Variants in SCYL1 observed in about 807,000 individuals in gnomAD.
SCYL1 encodes N-terminal kinase-like protein.
Under a neutral mutation model 94.8 loss-of-function variants are expected in SCYL1, and 85 were observed. The observed-to-expected ratio is 0.90, with a 90% CI of 0.75 to 1.07. The LOEUF (loss-of-function observed/expected upper bound fraction) is 1.07, where lower values mean the gene tolerates loss of function less well. SCYL1 is among the 50% of genes least tolerant of loss of function. SCYL1 has a pLI of 0.00. For synonymous variants in SCYL1, 459 were observed against 435.5 expected, an observed-to-expected ratio of 1.05 and a Z score of -0.67; for missense variants, 968 against 1,083.3, an observed-to-expected ratio of 0.89 and a Z score of 1.49.
chr11:65,536,860 C>CCTACCCAGCTCCTA, intron 13 of SCYL1, 110 bp downstream of exon 13: 2 of 1,369,584 alleles, frequency 1.5e-6, no homozygotes, highest in Non-Finnish European at 2.0e-6. Context: ...GATATAGGAG[C>CCTACCCAGCTCCTA]TGGGTAGGCT....
Position 65,532,764 on chromosome 11 carries a change from T to G in SCYL1, c.1189T>G (p.Phe397Val). ...GATCTTCCCCCACGTCGTACATGGC[T>G]TCCTGGACACCAACCCTGCCATCCG... is the stretch of plus-strand genomic sequence containing the variant. ...TQIFPHVVHG[F>V]LDTNPAIREQ... The change falls in exon 9 of 18, where the codon TTC becomes GTC. Residue 397 changes from phenylalanine (F) to valine (V), a missense_variant. Phe to Val is a conservative substitution (Grantham distance 50). Transcript: ENST00000270176. The G allele has an allele frequency of 6.2e-7, 1 of 1,614,142 alleles. No homozygotes were observed.
chr11:65,526,690 C>T lies in SCYL1; in HGVS notation c.603-93C>T. ...GCTCAGCTGAGGGACATAGCCAGGC[C>T]CTGGCATGCAGTGGGTGCCTGGTGC... On this transcript the variant is annotated intron_variant, in intron 4 of 17. Coordinates refer to ENST00000270176, the MANE Select transcript of SCYL1 (RefSeq NM_020680.4). The surrounding 1 kb of genome is among the most constrained non-coding windows in gnomAD (Gnocchi z 4.1). 8.2e-7 allele frequency: 1 copy of T among 1,222,178 alleles called. No homozygotes were observed. The highest frequency in any genetic ancestry group is 1.2e-6 in the Non-Finnish European group (1 of 858,450). The allele number at this position is 1,222,178 out of a possible 1,614,324, so 75.7% of individuals were successfully genotyped here.
Position 65,535,218 on chromosome 11 carries a change from G to A in SCYL1, c.1231-9G>A. 6.2e-7 allele frequency: 1 copy of A among 1,612,914 alleles called. No homozygotes were observed. On this transcript the variant is annotated splice_polypyrimidine_tract_variant and intron_variant, in intron 9 of 17. Coordinates refer to ENST00000270176, the MANE Select transcript of SCYL1 (RefSeq NM_020680.4). ...CAGCCCACAGTTCCCACTCATTTCTGCCCCACAGTCCATGCTGCTCCTGGC... is the reference window on the plus strand; with the variant it reads ...CAGCCCACAGTTCCCACTCATTTCTACCCCACAGTCCATGCTGCTCCTGGC...
rs752729887 is a variant in SCYL1, at chr11:65,532,778, C to A, written c.1203C>A (p.Asn401Lys). ...TCGTACATGGCTTCCTGGACACCAA[C>A]CCTGCCATCCGGGAGCAGACGGTCA... is the stretch of plus-strand genomic sequence containing the variant. ...PHVVHGFLDT[N>K]PAIREQTVKS... The change falls in exon 9 of 18, where the codon AAC becomes AAA. Residue 401 changes from asparagine to lysine, a missense_variant. By Grantham distance (94) the Asn-to-Lys change is moderately conservative. Around this residue, in one of 2 missense-constraint regions of SCYL1, gnomAD observed 494 missense variants for 619.7 expected, o/e 0.80. Transcript: ENST00000270176. 10 of 1,613,942 alleles carry A rather than the reference C, an allele frequency of 6.2e-6. No homozygotes were observed. Among genetic ancestry groups the A allele is most frequent in the African/African-American group, 1.3e-5 (1 of 74,934 alleles).
At chr11:65,529,377 G>C (rs1855256341) in intron 6 of SCYL1, among the ~76,000 whole-genome samples, 1 of 152,206 alleles carries the variant, frequency 6.6e-6, no homozygotes, top group Non-Finnish European at 1.5e-5. Context: ...TAGGAAATAG[G>C]GTTTCGGGAG....
chr11:65,531,925 A>G (rs925069708), intron 8 of SCYL1, among the ~76,000 whole-genome samples: 1 of 152,214 alleles, frequency 6.6e-6, no homozygotes, highest in Non-Finnish European at 1.5e-5. Flanking sequence ...CTCCTGGCTC[A>G]GTCACTCTGG....
chr11:65,536,129 C>A lies in SCYL1; in HGVS notation c.1563C>A (p.Ser521=). Residue 521 remains serine (S), a synonymous_variant, in exon 11 of 18, where the codon TCC becomes TCA. Coordinates refer to ENST00000270176, the MANE Select transcript of SCYL1 (RefSeq NM_020680.4). ...LCGLTVDPEK[S]VRDQAFKAIR... The stretch of plus-strand genomic sequence containing the variant: ...GTCTCACTGTAGATCCTGAGAAATC[C>A]GTGCGAGACCAGGTGAGGCACAGCT... 1.9e-6 allele frequency: 3 copies of A among 1,613,398 alleles called. No individual in the cohort carries two copies. The highest frequency in any genetic ancestry group is 2.5e-6 in the Non-Finnish European group (3 of 1,179,564).
At chr11:65,536,196 C>T (rs1855632341) in intron 11 of SCYL1, 55 bp downstream of exon 11, 1 of 1,605,990 alleles carries the variant, frequency 6.2e-7, no homozygotes, top group South Asian at 1.1e-5. Flanking sequence ...ATGTCAGCCC[C>T]TAGCTGGCCT....
Position 65,525,246 on chromosome 11 carries a change from G to A in SCYL1, c.93G>A (p.Leu31=). 1 of 1,450,120 alleles carries A rather than the reference G, an allele frequency of 6.9e-7. No homozygotes were observed. The highest frequency in any genetic ancestry group is 1.4e-5 in the South Asian group (1 of 73,404). 89.8% of individuals were successfully genotyped at this position (1,450,120 alleles called of 1,614,324 possible). ...PEGGLPGPWA[L]HRGRKKATGS... is the part of the protein sequence containing the mutation. ...GCGGCCTGCCCGGGCCCTGGGCCCT[G>A]CACCGCGGCCGCAAGAAGGTGAGTG... The change falls in exon 1 of 18, where the codon CTG becomes CTA. Residue 31 remains leucine, a synonymous_variant. Coordinates refer to ENST00000270176, the MANE Select transcript of SCYL1 (RefSeq NM_020680.4).
At position 65,538,447 on chromosome 11, in the gene SCYL1, G is replaced by A; in HGVS notation, c.2308G>A (p.Val770Ile). 6.4e-7 allele frequency: 1 copy of A among 1,559,028 alleles called. No homozygotes were observed. The highest frequency in any genetic ancestry group is 8.7e-7 in the Non-Finnish European group (1 of 1,153,480). ...GCTCCCCTTCCTGACGCCAGGACAG[G>A]TCAAGGCTGAGCTGGCCCGGAAGAA... ...WEGLETDSRQVKAELARKKRE... is the reference protein window; with the variant it reads ...WEGLETDSRQIKAELARKKRE... The change falls in exon 18 of 18, where the codon GTC becomes ATC. Residue 770 changes from valine to isoleucine, a missense_variant. By Grantham distance (29) the Val-to-Ile change is conservative. Around this residue, in one of 2 missense-constraint regions of SCYL1, gnomAD observed 474 missense variants for 463.6 expected, o/e 1.02. Transcript: ENST00000270176.
In SCYL1 at chr11:65,525,821, G is replaced by T. The variant is rs896711911; in HGVS notation, c.253-100G>T. The stretch of plus-strand genomic sequence containing the variant: ...CACCCTATGTGCCCCAGCACCCCCA[G>T]ATTTGGTTTCCTCTTCCCCATCTCT... On this transcript the variant is annotated intron_variant, in intron 2 of 17. Coordinates refer to ENST00000270176, the MANE Select transcript of SCYL1 (RefSeq NM_020680.4). 17 of 1,579,450 alleles carry T rather than the reference G, an allele frequency of 1.1e-5. No individual in the cohort carries two copies. In the African/African-American group the frequency reaches 1.3e-4, roughly 13 times the overall value.
chr11:65,538,586 C>T lies in SCYL1; in HGVS notation c.*20C>T, dbSNP rs762512802. The T allele has an allele frequency of 1.2e-6, 2 of 1,604,710 alleles. No individual in the cohort carries two copies. The highest frequency in any genetic ancestry group is 2.2e-5 in the South Asian group (2 of 90,460). ...GACTGAACCGTGGCGGTGGCCCTTC[C>T]CGGCTGCGGAGAGCCCGCCCCACAG... On this transcript the variant is annotated 3_prime_UTR_variant, in exon 18 of 18. Coordinates refer to ENST00000270176, the MANE Select transcript of SCYL1 (RefSeq NM_020680.4).
rs1369941506 is a variant in SCYL1, at chr11:65,537,025, C to G, written c.1856C>G (p.Pro619Arg). 17 of 1,613,678 alleles carry G rather than the reference C, an allele frequency of 1.1e-5. No homozygotes were observed. The highest frequency in any genetic ancestry group is 1.4e-5 in the Non-Finnish European group (16 of 1,179,674). The change falls in exon 14 of 18, where the codon CCT (proline) becomes CGT (arginine). Residue 619 changes from proline (P) to arginine (R), a missense_variant. Pro to Arg is a moderately radical substitution (Grantham distance 103). Transcript: ENST00000270176. ...APAPTPVPAT[P>R]TTSGHWETQE... ...GCCCCCACCCCTGTTCCTGCCACCC[C>G]TACAACCTCAGGCCACTGGGAGACG...
intron 8 of SCYL1, among the ~76,000 whole-genome samples, chr11:65,532,456 C>T (rs890428871): frequency 6.6e-6 from 1 of 150,782 alleles, no homozygotes; most frequent in Non-Finnish European, 1.5e-5. Context: ...ATAGAAGAGG[C>T]TCTGAGAGGG....
rs1855860310 is a variant in SCYL1 at position 65,538,613 on chromosome 11, T to TGTATTTATTGTACAAACCATGTGAGCCC, written c.*49_*76dup. 6.3e-7 allele frequency: 1 copy of TGTATTTATTGTACAAACCATGTGAGCCC among 1,584,828 alleles called. No individual in the cohort carries two copies. The highest frequency in any genetic ancestry group is 8.6e-7 in the Non-Finnish European group (1 of 1,166,134). On this transcript the variant is annotated 3_prime_UTR_variant, in exon 18 of 18. Transcript: ENST00000270176. ...GGCTGCGGAGAGCCCGCCCCACAGATGTATTTATTGTACAAACCATGTGAG... is the reference window on the plus strand; with the variant it reads ...GGCTGCGGAGAGCCCGCCCCACAGATGTATTTATTGTACAAACCATGTGAGCCCGTATTTATTGTACAAACCATGTGAG...
chr11:65,532,236 C>A (rs1855410906), intron 8 of SCYL1, among the ~76,000 whole-genome samples: 1 of 152,094 alleles, frequency 6.6e-6, no homozygotes, highest in Non-Finnish European at 1.5e-5. Context: ...ACCAGCCTGG[C>A]CAACTTGGCG....
intron 17 of SCYL1, 55 bp from the exon 18 acceptor site, chr11:65,538,387 C>T (rs752383759): frequency 3.9e-6 from 6 of 1,539,366 alleles, no homozygotes; most frequent in South Asian, 3.6e-5. Context: ...CCCTACAGGC[C>T]CCCGGCAGGC....
chr11:65,532,843 T>G (rs1855455606), intron 9 of SCYL1, 38 bp downstream of exon 9: 5 of 1,526,476 alleles, frequency 3.3e-6, no homozygotes, highest in African/African-American at 1.4e-5. Context: ...ACCCCTGGTT[T>G]TCCAAGGCTT....
At position 65,538,419 on chromosome 11, in the gene SCYL1, G is replaced by A. The variant is rs781250002; in HGVS notation, c.2303-23G>A. ...AGGCACTGGCTGGAGAGCTGAGACC[G>A]GGGCTCCCCTTCCTGACGCCAGGAC... is the stretch of plus-strand genomic sequence containing the variant. On this transcript the variant is annotated intron_variant, in intron 17 of 17. Transcript: ENST00000270176. 35 of 1,543,060 alleles carry A rather than the reference G, an allele frequency of 2.3e-5. No homozygotes were observed. The Middle Eastern group carries it at 5.0e-4, about 22-fold the overall frequency.
Sources: allele counts gnomAD v4.1 joint callset (sites outside exome capture counted in the v4.1 genomes callset), GRCh38; gene constraint gnomAD v4.1.1; regional missense constraint gnomAD v4.1.1; non-coding constraint Gnocchi (gnomAD v3.1); transcripts MANE v1.5; gene names NCBI Gene and HGNC (gene_info 2026-07-23, HGNC 2026-07-21).